ZNF385D: variants seen among roughly 807,000 people sequenced by gnomAD.
ZNF385D encodes the protein zinc finger protein 659.
In ZNF385D, 15 loss-of-function variants were observed where a neutral mutation model predicts 35.8. The ratio of observed to expected loss-of-function variants is 0.42; its 90% confidence interval spans 0.28 to 0.64. ZNF385D has a LOEUF of 0.64. ZNF385D is among the 30% of genes least tolerant of loss of function. ZNF385D has a pLI of 0.23. For synonymous variants in ZNF385D, 212 were observed against 186.8 expected, an observed-to-expected ratio of 1.13 and a Z score of -1.10; for missense variants, 474 against 494.6, an observed-to-expected ratio of 0.96 and a Z score of 0.39.
At chr3:21,716,679 T>C (rs1341825667) in intron 1 of ZNF385D, among the ~76,000 whole-genome samples, 1 of 152,230 alleles carries the variant, frequency 6.6e-6, no homozygotes, top group Admixed American at 6.5e-5. Flanking sequence ...TCTTCATTTT[T>C]CTACTTAAAA....
intron 3 of ZNF385D, among the ~76,000 whole-genome samples, chr3:22,049,561 A>G (rs554858082): frequency 1.1e-3 from 161 of 152,254 alleles, no homozygotes; most frequent in African/African-American, 3.7e-3. Flanking sequence ...ATGTTTATTA[A>G]AAGTGCCAAT....
intron 3 of ZNF385D, among the ~76,000 whole-genome samples, chr3:22,119,916 T>C (rs1702999706): frequency 1.3e-5 from 2 of 151,866 alleles, no homozygotes; most frequent in African/African-American, 4.8e-5. Flanking sequence ...GGTATGACTT[T>C]GGTGATCCTC....
At chr3:21,480,212 C>T (rs1480908495) in intron 4 of ZNF385D, among the ~76,000 whole-genome samples, 3 of 150,662 alleles carry the variant, frequency 2.0e-5, no homozygotes, top group Admixed American at 6.7e-5. Context: ...AAGCAATTCT[C>T]CTGCCTCAGC....
intron 3 of ZNF385D, among the ~76,000 whole-genome samples, chr3:21,877,343 A>T (rs961864742): frequency 1.2e-4 from 18 of 152,182 alleles, no homozygotes; most frequent in African/African-American, 3.6e-4. Context: ...ATTTTGATCC[A>T]CTAAGGAAAT....
At chr3:22,021,373 C>G (rs1479240471) in intron 3 of ZNF385D, among the ~76,000 whole-genome samples, 1 of 151,884 alleles carries the variant, frequency 6.6e-6, no homozygotes, top group Non-Finnish European at 1.5e-5. Flanking sequence ...ATCCACAACA[C>G]AAATAGGCTT....
At chr3:22,321,164 G>GTTTTTTTTTTTTTT in intron 2 of ZNF385D, among the ~76,000 whole-genome samples, 27 of 76,118 alleles carry the variant, frequency 3.5e-4, no homozygotes, top group Non-Finnish European at 4.1e-4. Context: ...TTATGACCTT[G>GTTTTTTTTTTTTTT]TTTTTTTTTT....
At chr3:21,961,281 A>G (rs2125319075) in intron 3 of ZNF385D, 1 of 152,292 alleles carries the variant, frequency 6.6e-6, no homozygotes, top group Non-Finnish European at 1.5e-5. Context: ...GATATTAAAT[A>G]AATGAATGAA....
At chr3:22,229,066 A>C (rs76190120) in intron 2 of ZNF385D, among the ~76,000 whole-genome samples, 1 of 152,298 alleles carries the variant, frequency 6.6e-6, no homozygotes, top group Non-Finnish European at 1.5e-5. Context: ...TGATATTGTG[A>C]ATCAATACTC....
chr3:21,907,993 A>G (rs1699767177), intron 3 of ZNF385D, among the ~76,000 whole-genome samples: 1 of 152,148 alleles, frequency 6.6e-6, no homozygotes, highest in Non-Finnish European at 1.5e-5. Context: ...TGAAAGGCTG[A>G]AACATTTAAA....
chr3:21,752,082 G>C (rs2070129978), upstream of ZNF385D, among the ~76,000 whole-genome samples: 1 of 127,274 alleles, frequency 7.9e-6, no homozygotes, highest in African/African-American at 3.1e-5. Flanking sequence ...GAAAGGCAAA[G>C]CTTAGCAAAG....
chr3:22,157,703 T>C (rs930769227), intron 3 of ZNF385D, among the ~76,000 whole-genome samples: 1 of 152,168 alleles, frequency 6.6e-6, no homozygotes, highest in South Asian at 2.1e-4. Flanking sequence ...AATCTTGAAG[T>C]AAAAATCACA....
chr3:22,253,149 G>A (rs1000747541), intron 2 of ZNF385D, among the ~76,000 whole-genome samples: 1 of 151,964 alleles, frequency 6.6e-6, no homozygotes, highest in Non-Finnish European at 1.5e-5. Flanking sequence ...CAATAACTGA[G>A]ATAAAGAGCA....
intron 3 of ZNF385D, among the ~76,000 whole-genome samples, chr3:22,092,763 G>A (rs757796022): frequency 2.0e-5 from 3 of 152,056 alleles, no homozygotes; most frequent in South Asian, 2.1e-4. Context: ...ACCTTAACCT[G>A]ATGTTTATCT....
chr3:21,425,454 C>A (rs761229002), intron 6 of ZNF385D, 38 bp downstream of exon 6: 4 of 1,532,290 alleles, frequency 2.6e-6, no homozygotes, highest in South Asian at 1.3e-5. Flanking sequence ...TAAGGCTGTC[C>A]CTTGTTGGTT....
intron 4 of ZNF385D, among the ~76,000 whole-genome samples, chr3:21,455,692 G>A (rs1373760567): frequency 6.6e-6 from 1 of 152,150 alleles, no homozygotes; most frequent in South Asian, 2.1e-4. Flanking sequence ...AGGACTTCCT[G>A]TCTAAAACAC....
intron 3 of ZNF385D, among the ~76,000 whole-genome samples, chr3:22,137,090 A>T (rs1285622784): frequency 6.6e-6 from 1 of 152,212 alleles, no homozygotes; most frequent in East Asian, 1.9e-4. Flanking sequence ...TTAGTTAATA[A>T]TGTACTATTA....
intron 3 of ZNF385D, among the ~76,000 whole-genome samples, chr3:22,137,491 T>A (rs1424159652): frequency 1.3e-5 from 2 of 152,168 alleles, no homozygotes; most frequent in African/African-American, 2.4e-5. Context: ...ATGGGCTTCA[T>A]CCCTGGGATG....
chr3:21,910,719 G>C (rs1699921525), intron 3 of ZNF385D, among the ~76,000 whole-genome samples: 1 of 151,548 alleles, frequency 6.6e-6, no homozygotes, highest in Non-Finnish European at 1.5e-5. Flanking sequence ...GCATGGGCCA[G>C]GGGACGGGGG....
intron 3 of ZNF385D, among the ~76,000 whole-genome samples, chr3:22,017,178 A>G (rs1327642295): frequency 6.6e-6 from 1 of 152,064 alleles, no homozygotes; most frequent in Non-Finnish European, 1.5e-5. Context: ...ATATATTAAA[A>G]TTAAAACCCA....
Sources: gnomAD v4.1 joint callset for allele counts (sites outside exome capture counted in the v4.1 genomes callset) on GRCh38, gnomAD v4.1.1 for gene constraint, MANE v1.5 for transcripts, NCBI Gene and HGNC (gene_info 2026-07-23, HGNC 2026-07-21) for gene names.